The following ERBB4 variants were observed in gnomAD, a reference collection of about 807,000 sequenced individuals.
ERBB4 encodes receptor tyrosine-protein kinase erbB-4.
A neutral mutation model predicts 158.0 loss-of-function variants in ERBB4; 42 were observed. The ratio of observed to expected loss-of-function variants is 0.27; its 90% CI spans 0.21 to 0.34. The LOEUF is 0.34. Among genes scored for constraint, ERBB4 ranks in the 10% least tolerant of loss-of-function variants. ERBB4 has a pLI of 1.00. For synonymous variants in ERBB4, 583 were observed against 558.7 expected (o/e 1.04, Z -0.61); for missense variants, 1,333 against 1,624.1 (o/e 0.82, Z 3.08).
intron 1 of ERBB4, among the ~76,000 whole-genome samples, chr2:212,252,900 C>T (rs1228763830): frequency 1.3e-5 from 2 of 152,040 alleles, no homozygotes; most frequent in Non-Finnish European, 2.9e-5. Flanking sequence ...GTATCATCTA[C>T]AGACATTAGA....
At chr2:212,222,573 T>C (rs1226613151) in intron 1 of ERBB4, among the ~76,000 whole-genome samples, 1 of 151,502 alleles carries the variant, frequency 6.6e-6, no homozygotes. Context: ...CTCTTCTTAA[T>C]ATACTATATT....
chr2:212,223,656 T>C (rs2083379062), intron 1 of ERBB4, among the ~76,000 whole-genome samples: 1 of 151,620 alleles, frequency 6.6e-6, no homozygotes, highest in Non-Finnish European at 1.5e-5. Context: ...TTACCTCAAA[T>C]CTATCTTTGT....
At chr2:212,503,648 T>A (rs1478299125) in intron 1 of ERBB4, among the ~76,000 whole-genome samples, 2 of 152,192 alleles carry the variant, frequency 1.3e-5, no homozygotes, top group African/African-American at 4.8e-5. Flanking sequence ...CTCAGGAGCA[T>A]ATCATCTTGA....
intron 1 of ERBB4, among the ~76,000 whole-genome samples, chr2:212,313,093 C>T (rs376416197): frequency 3.4e-4 from 51 of 150,606 alleles, no homozygotes; most frequent in South Asian, 2.9e-3. Flanking sequence ...TTAATGAAAC[C>T]GTATTAAGGT....
chr2:212,338,032 G>A (rs769877687), intron 1 of ERBB4, among the ~76,000 whole-genome samples: 17 of 152,134 alleles, frequency 1.1e-4, no homozygotes, highest in Non-Finnish European at 2.2e-4. Flanking sequence ...AAACTGTCCA[G>A]GGCAGACTTT....
chr2:211,612,235 GA>G (rs71397135), intron 19 of ERBB4, among the ~76,000 whole-genome samples: 80,785 of 151,088 alleles, frequency 0.53, 23,800 homozygotes, highest in Non-Finnish European at 0.65. Flanking sequence ...TTAAAACATG[GA>G]AAAAAAAATC....
chr2:211,733,590 T>C (rs1247187109), intron 5 of ERBB4, among the ~76,000 whole-genome samples: 5 of 150,456 alleles, frequency 3.3e-5, no homozygotes, highest in African/African-American at 1.0e-4. Context: ...CCAAGAAATA[T>C]GGAAAATTTG....
rs556517736 is a variant in ERBB4 at position 212,386,923 on chromosome 2, ACATAGTGG to A, written c.82+151518_82+151525del. Reference sequence around the variant, plus strand: ...TGTCTTATTCATCTGTACATTTCTTACATAGTGGCATGGCTATAATAGGTTCTTAATAA... The same window carrying A: ...TGTCTTATTCATCTGTACATTTCTTACATGGCTATAATAGGTTCTTAATAA... On this transcript the variant is annotated intron_variant, in intron 1 of 27. Transcript: ENST00000342788. 9.4e-4 allele frequency among the ~76,000 whole-genome samples: 143 copies of A among 152,214 alleles called. 1 individual carries two copies. Among genetic ancestry groups the A allele is most frequent in the African/African-American group, 3.3e-3 (136 of 41,574 alleles).
At chr2:212,439,119 CACT>C (rs2092198813) in intron 1 of ERBB4, among the ~76,000 whole-genome samples, 1 of 152,092 alleles carries the variant, frequency 6.6e-6, no homozygotes, top group Non-Finnish European at 1.5e-5. Context: ...AACAGTGTTT[CACT>C]ACTTCTCAAG....
chr2:212,029,205 T>C (rs2076844698), intron 2 of ERBB4, among the ~76,000 whole-genome samples: 1 of 152,106 alleles, frequency 6.6e-6, no homozygotes, highest in Admixed American at 6.6e-5. Flanking sequence ...TCCCTGCCTA[T>C]AGGGTAGTCC....
chr2:211,711,855 C>T (rs1220720077), intron 9 of ERBB4, among the ~76,000 whole-genome samples, 195 bp downstream of exon 9: 1 of 152,018 alleles, frequency 6.6e-6, no homozygotes, highest in Admixed American at 6.6e-5. Flanking sequence ...AGTCACCAAA[C>T]TAAAGTTTGA....
intron 3 of ERBB4, among the ~76,000 whole-genome samples, chr2:211,914,871 G>A (rs903470356): frequency 6.6e-6 from 1 of 152,024 alleles, no homozygotes; most frequent in African/African-American, 2.4e-5. Context: ...TTTATGGAGG[G>A]GAAAGCAGAA....
intron 1 of ERBB4, among the ~76,000 whole-genome samples, chr2:212,193,217 A>T (rs773827352): frequency 3.3e-5 from 5 of 152,118 alleles, no homozygotes; most frequent in African/African-American, 7.2e-5. Flanking sequence ...CTAATTTGCC[A>T]TCTTGTCCAT....
chr2:212,449,137 T>C (rs1179270632), intron 1 of ERBB4, among the ~76,000 whole-genome samples: 3 of 152,152 alleles, frequency 2.0e-5, no homozygotes, highest in African/African-American at 7.2e-5. Flanking sequence ...CTTTTACTAG[T>C]GCTTATTTCT....
At chr2:212,506,354 T>C (rs139118956) in intron 1 of ERBB4, among the ~76,000 whole-genome samples, 1 of 128,946 alleles carries the variant, frequency 7.8e-6, no homozygotes, top group East Asian at 1.9e-4. Context: ...AAGAATTGCA[T>C]GTCTCTCACT....
intron 19 of ERBB4, among the ~76,000 whole-genome samples, chr2:211,575,549 T>C (rs1442688529): frequency 1.3e-5 from 2 of 152,190 alleles, no homozygotes; most frequent in Non-Finnish European, 2.9e-5. Flanking sequence ...CTGTTTACTA[T>C]TTAGTATAAC....
rs1211392421 is a variant in ERBB4, at chr2:212,130,317, C to T, written c.83-5414G>A. 4.6e-5 allele frequency among the ~76,000 whole-genome samples: 7 copies of T among 152,018 alleles called. No individual in the cohort carries two copies. The East Asian group carries it at 1.3e-3, about 29-fold the overall frequency. On this transcript the variant is annotated intron_variant, in intron 1 of 27. Coordinates refer to ENST00000342788, the MANE Select transcript of ERBB4 (RefSeq NM_005235.3). The stretch of plus-strand genomic sequence containing the variant: ...CTGGATGTGAGGTCCTAATAAAATC[C>T]TCAATTATTCTATTTGTATTGATTC...
intron 3 of ERBB4, among the ~76,000 whole-genome samples, chr2:211,930,134 G>A (rs1314713267): frequency 6.6e-6 from 1 of 151,968 alleles, no homozygotes; most frequent in Non-Finnish European, 1.5e-5. Flanking sequence ...AAATGACAGA[G>A]TAATGTTTTA....
chr2:211,535,324 A>G (rs2066615757), intron 20 of ERBB4, among the ~76,000 whole-genome samples: 1 of 152,000 alleles, frequency 6.6e-6, no homozygotes, highest in Non-Finnish European at 1.5e-5. Flanking sequence ...CCTGTCTCTT[A>G]TTCTCATTCT....
Sources: gnomAD v4.1 joint callset for allele counts (sites outside exome capture counted in the v4.1 genomes callset) on GRCh38, gnomAD v4.1.1 for gene constraint, MANE v1.5 for transcripts, NCBI Gene and HGNC (gene_info 2026-07-23, HGNC 2026-07-21) for gene names.